LTBP1: variants seen among roughly 807,000 people sequenced by gnomAD.
LTBP1 encodes the protein latent transforming growth factor beta binding protein 1.
A neutral mutation model predicts 207.6 loss-of-function variants in LTBP1; 129 were observed. That is an observed-to-expected ratio of 0.62 (90% CI 0.54 to 0.72). The LOEUF (loss-of-function observed/expected upper bound fraction) is 0.72, where lower values mean the gene tolerates loss of function less well. Ranked by LOEUF, LTBP1 falls within the 30% of genes least tolerant of loss-of-function variation. LTBP1 has a pLI of 0.00. For synonymous variants in LTBP1, 963 were observed against 833.7 expected (o/e 1.16, Z -2.67); for missense variants, 2,281 against 2,217.2 (o/e 1.03, Z -0.58).
chr2:33,315,859 C>A (rs879467368), intron 24 of LTBP1, among the ~76,000 whole-genome samples: 1 of 152,154 alleles, frequency 6.6e-6, no homozygotes, highest in Admixed American at 6.5e-5. Flanking sequence ...ACCACTGTAA[C>A]CCAGGAGGCA....
intron 5 of LTBP1, among the ~76,000 whole-genome samples, chr2:33,140,933 G>C (rs2082600170): frequency 6.6e-6 from 1 of 152,040 alleles, no homozygotes; most frequent in Non-Finnish European, 1.5e-5. Flanking sequence ...CCTCCCAAAG[G>C]GATTACAGGC....
chr2:33,047,409 A>G (rs1461258381), intron 3 of LTBP1, among the ~76,000 whole-genome samples: 6 of 152,134 alleles, frequency 3.9e-5, no homozygotes, highest in African/African-American at 1.4e-4. Context: ...TTCAGTTTCC[A>G]TGTAGTTGTG....
chr2:33,217,342 T>C (rs2090789011), intron 7 of LTBP1, among the ~76,000 whole-genome samples: 1 of 152,254 alleles, frequency 6.6e-6, no homozygotes, highest in Non-Finnish European at 1.5e-5. Context: ...AACATCAAGG[T>C]GCTCCCATTT....
chr2:33,070,008 G>T (rs751276349), intron 3 of LTBP1, among the ~76,000 whole-genome samples: 1 of 152,148 alleles, frequency 6.6e-6, no homozygotes, highest in African/African-American at 2.4e-5. Context: ...ACTTCTTACA[G>T]TGAAAGCATA....
chr2:33,169,040 A>G (rs949974435), intron 5 of LTBP1, among the ~76,000 whole-genome samples: 2 of 152,190 alleles, frequency 1.3e-5, no homozygotes, highest in African/African-American at 4.8e-5. Context: ...GGAGGGTGGG[A>G]ATAAAAAGGA....
intron 24 of LTBP1, 79 bp downstream of exon 24, chr2:33,315,348 A>C: frequency 1.9e-6 from 3 of 1,549,388 alleles, no homozygotes; most frequent in Non-Finnish European, 2.6e-6. Context: ...AAAGACTTGA[A>C]GACACTAAGA....
chr2:33,232,473 A>G (rs2091844513), intron 9 of LTBP1, among the ~76,000 whole-genome samples: 1 of 152,166 alleles, frequency 6.6e-6, no homozygotes, highest in Non-Finnish European at 1.5e-5. Context: ...GGTATTGTCA[A>G]AGGTGTACCT....
chr2:33,104,392 A>G (rs1028384287), intron 3 of LTBP1, among the ~76,000 whole-genome samples: 2 of 152,134 alleles, frequency 1.3e-5, no homozygotes, highest in Admixed American at 6.5e-5. Context: ...ATATGCAGTC[A>G]TATTTTGGCT....
At chr2:33,219,164 A>C (rs1268737065) in intron 8 of LTBP1, among the ~76,000 whole-genome samples, 1 of 152,154 alleles carries the variant, frequency 6.6e-6, no homozygotes, top group Non-Finnish European at 1.5e-5. Context: ...TAACTTGTGG[A>C]AATGCCCACC....
chr2:33,012,015 C>A (rs1304688067), intron 2 of LTBP1, among the ~76,000 whole-genome samples: 1 of 152,014 alleles, frequency 6.6e-6, no homozygotes, highest in East Asian at 1.9e-4. Context: ...TGATCACCCC[C>A]CATCAGACAC....
intron 2 of LTBP1, among the ~76,000 whole-genome samples, chr2:32,962,919 C>T (rs1287897268): frequency 6.6e-6 from 1 of 152,274 alleles, no homozygotes; most frequent in African/African-American, 2.4e-5. Flanking sequence ...GATCCTGATA[C>T]AGCTGTGGCT....
At chr2:33,223,334 T>C (rs1210869526) in intron 9 of LTBP1, among the ~76,000 whole-genome samples, 1 of 152,208 alleles carries the variant, frequency 6.6e-6, no homozygotes, top group African/African-American at 2.4e-5. Context: ...TATTTAGAAA[T>C]GCACATACAG....
At chr2:32,978,004 T>C (rs1682094710) in intron 2 of LTBP1, among the ~76,000 whole-genome samples, 1 of 152,226 alleles carries the variant, frequency 6.6e-6, no homozygotes, top group Non-Finnish European at 1.5e-5. Context: ...TCTTGATTTC[T>C]TTTTCAAATT....
chr2:33,108,823 G>A lies in LTBP1; in HGVS notation c.864-1759G>A, dbSNP rs952552761. ...TAGAAGAGACTTGTGGTTCTTATCA[G>A]TCACTACCAGATGTGTCCAGCTGTT... is the stretch of plus-strand genomic sequence containing the variant. On this transcript the variant is annotated intron_variant, in intron 3 of 33. Transcript: ENST00000404816. 3.9e-5 allele frequency among the ~76,000 whole-genome samples: 6 copies of A among 152,168 alleles called. No individual in the cohort carries two copies. The South Asian group carries it at 8.3e-4, about 21-fold the overall frequency.
intron 15 of LTBP1, 113 bp downstream of exon 15, chr2:33,263,505 A>G (rs1214347776): frequency 4.5e-6 from 3 of 673,160 alleles, no homozygotes; most frequent in African/African-American, 1.8e-5. Context: ...TAGCCATACT[A>G]GCAAATATTT....
chr2:33,302,731 T>C (rs2094008670), intron 22 of LTBP1, among the ~76,000 whole-genome samples: 1 of 150,670 alleles, frequency 6.6e-6, no homozygotes, highest in South Asian at 2.1e-4. Flanking sequence ...ATCATGTTCC[T>C]CAAAGAGTTA....
At chr2:33,212,059 T>G (rs2090351159) in intron 7 of LTBP1, among the ~76,000 whole-genome samples, 1 of 152,222 alleles carries the variant, frequency 6.6e-6, no homozygotes, top group Admixed American at 6.5e-5. Context: ...ATTAAAGGTT[T>G]TTTTCACTAT....
At chr2:33,073,137 T>G (rs577229515) in intron 3 of LTBP1, among the ~76,000 whole-genome samples, 1 of 152,270 alleles carries the variant, frequency 6.6e-6, no homozygotes, top group African/African-American at 2.4e-5. Context: ...CCTGATTGCA[T>G]GGTTTGAGGA....
In LTBP1 at chr2:33,276,853, A is replaced by T. The variant is rs114264754; in HGVS notation, c.2992+930A>T. On this transcript the variant is annotated intron_variant, in intron 18 of 33. Transcript: ENST00000404816. The stretch of plus-strand genomic sequence containing the variant: ...GTGACAGAGAAAAACCTTGTCTCCA[A>T]AAAACAAAGCAAAACAAAACAAAAC... 3.3e-3 allele frequency among the ~76,000 whole-genome samples: 501 copies of T among 152,348 alleles called. 4 individuals are homozygous for T. The highest frequency in any genetic ancestry group is 0.012 in the African/African-American group (483 of 41,584).
Sources: gnomAD v4.1 joint callset for allele counts (sites outside exome capture counted in the v4.1 genomes callset) on GRCh38, gnomAD v4.1.1 for gene constraint, MANE v1.5 for transcripts, NCBI Gene and HGNC (gene_info 2026-07-23, HGNC 2026-07-21) for gene names.